The following UBLCP1 variants were observed in gnomAD, a reference collection of about 807,000 sequenced individuals.
UBLCP1 encodes the protein ubiquitin like domain containing CTD phosphatase 1.
A neutral mutation model predicts 42.4 loss-of-function variants in UBLCP1; 28 were observed. The observed-to-expected ratio is 0.66, with a 90% CI of 0.49 to 0.90. UBLCP1 has a LOEUF of 0.90. Ranked by LOEUF, UBLCP1 falls within the 40% of genes least tolerant of loss-of-function variation. The pLI is 0.00. For synonymous variants in UBLCP1, 122 were observed against 120.8 expected (o/e 1.01, Z -0.07); for missense variants, 279 against 374.5 (o/e 0.75, Z 2.10).
In UBLCP1 at chr5:159,270,002, A is replaced by T; in HGVS notation, c.246+3A>T. ...TGGGAACTCGTGAGGAGAGCTTGGT[A>T]AATGTTTACTTTTTGTTACCATTTG... is the stretch of plus-strand genomic sequence containing the variant. On this transcript the variant is annotated splice_donor_region_variant and intron_variant, in intron 3 of 10. Coordinates refer to ENST00000296786, the MANE Select transcript of UBLCP1 (RefSeq NM_145049.5). 1 of 1,606,446 alleles carries T rather than the reference A, an allele frequency of 6.2e-7. No homozygotes were observed. The highest frequency in any genetic ancestry group is 8.5e-7 in the Non-Finnish European group (1 of 1,176,328).
chr5:159,273,859 C>G (rs959306070), intron 6 of UBLCP1, among the ~76,000 whole-genome samples: 7 of 151,962 alleles, frequency 4.6e-5, no homozygotes, highest in African/African-American at 1.4e-4. Flanking sequence ...CACACACACA[C>G]ACACACACAC....
At chr5:159,276,317 A>G (rs1753535131) in intron 8 of UBLCP1, among the ~76,000 whole-genome samples, 1 of 152,114 alleles carries the variant, frequency 6.6e-6, no homozygotes, top group African/African-American at 2.4e-5. Context: ...AAAGCACCCA[A>G]ACTAATAGGA....
rs772009369 is a variant in UBLCP1 at position 159,283,372 on chromosome 5, A to ATTTATTTT, written c.929+33_929+34insTTTATTTT. 5.8e-5 allele frequency: 88 copies of ATTTATTTT among 1,508,410 alleles called. 1 individual carries two copies. In the African/African-American group the frequency reaches 8.4e-4, roughly 14 times the overall value. 93.4% of individuals were successfully genotyped at this position (1,508,410 alleles called of 1,614,324 possible). ...TTAATTGCTTATTTATTTTCTCTTT[A>ATTTATTTT]CATCAATGAAGAAAAAATTATCATT... On this transcript the variant is annotated intron_variant, in intron 10 of 10. Coordinates refer to ENST00000296786, the MANE Select transcript of UBLCP1 (RefSeq NM_145049.5).
At chr5:159,269,410 G>A (rs923924677) in intron 2 of UBLCP1, among the ~76,000 whole-genome samples, 1 of 152,110 alleles carries the variant, frequency 6.6e-6, no homozygotes, top group Non-Finnish European at 1.5e-5. Flanking sequence ...TGTAACGAGG[G>A]CCTCGTACTC....
At chr5:159,277,855 T>TC (rs1753557148) in intron 8 of UBLCP1, among the ~76,000 whole-genome samples, 2 of 152,136 alleles carry the variant, frequency 1.3e-5, no homozygotes, top group Admixed American at 6.5e-5. Flanking sequence ...GAAAGCAGAC[T>TC]CCATGTGACT....
At chr5:159,281,773 AC>A (rs1753609919) in intron 9 of UBLCP1, among the ~76,000 whole-genome samples, 1 of 152,070 alleles carries the variant, frequency 6.6e-6, no homozygotes, top group Non-Finnish European at 1.5e-5. Flanking sequence ...CTTTGGGCTC[AC>A]TCATTGTTCT....
At chr5:159,266,949 G>A (rs921476824) in intron 1 of UBLCP1, among the ~76,000 whole-genome samples, 1 of 152,340 alleles carries the variant, frequency 6.6e-6, no homozygotes, top group Non-Finnish European at 1.5e-5. Context: ...GTTTGCTGCA[G>A]GGGTGGGGCC....
At position 159,274,637 on chromosome 5, in the gene UBLCP1, G is replaced by A; in HGVS notation, c.585+15G>A. On this transcript the variant is annotated intron_variant, in intron 7 of 10. Coordinates refer to ENST00000296786, the MANE Select transcript of UBLCP1 (RefSeq NM_145049.5). ...CTAAAATGAAAGTAAGTGTTAGAAAGCAATCCATTTAAAAATATTTTCAAA... is the reference window on the plus strand; with the variant it reads ...CTAAAATGAAAGTAAGTGTTAGAAAACAATCCATTTAAAAATATTTTCAAA... 3.1e-6 allele frequency: 5 copies of A among 1,603,194 alleles called. No individual in the cohort carries two copies. The highest frequency in any genetic ancestry group is 4.3e-6 in the Non-Finnish European group (5 of 1,174,226).
Position 159,283,369 on chromosome 5 carries a change from T to TTGC in UBLCP1, c.929+31_929+32insGCT, listed in dbSNP as rs747889775. The TTGC allele has an allele frequency of 5.8e-5, 88 of 1,521,690 alleles. 1 individual carries two copies. The African/African-American group carries it at 8.3e-4, about 14-fold the overall frequency. 94.3% of individuals were successfully genotyped at this position (1,521,690 alleles called of 1,614,324 possible). A position where few individuals can be genotyped will look rare whatever the true frequency, so the allele number is the denominator to read the frequency against. On this transcript the variant is annotated intron_variant, in intron 10 of 10. Transcript: ENST00000296786. Reference sequence around the variant, plus strand: ...GTTTTAATTGCTTATTTATTTTCTCTTTACATCAATGAAGAAAAAATTATC... The same window carrying TTGC: ...GTTTTAATTGCTTATTTATTTTCTCTTGCTTACATCAATGAAGAAAAAATTATC...
At position 159,275,161 on chromosome 5, in the gene UBLCP1, G is replaced by A; in HGVS notation, c.599G>A (p.Ser200Asn). Residue 200 changes from serine (S) to asparagine (N), a missense_variant, in exon 8 of 11, where the codon AGC (serine) becomes AAC (asparagine). Ser to Asn is a conservative substitution (Grantham distance 46). Coordinates refer to ENST00000296786, the MANE Select transcript of UBLCP1 (RefSeq NM_145049.5). ...TTGTGTTTATAGGAGCTGGGAGTGA[G>A]CACAAATGCAAATTATAAGATTACT... ...IEAKMKELGVSTNANYKITFM... is the reference protein window; with the variant it reads ...IEAKMKELGVNTNANYKITFM... The A allele has an allele frequency of 6.2e-7, 1 of 1,613,008 alleles. No homozygotes were observed. The highest frequency in any genetic ancestry group is 2.2e-5 in the East Asian group (1 of 44,748).
chr5:159,270,689 C>A (rs767991199), intron 5 of UBLCP1, 46 bp downstream of exon 5: 2 of 1,205,402 alleles, frequency 1.7e-6, no homozygotes, highest in Non-Finnish European at 2.3e-6. Context: ...CCCACAACAA[C>A]TCTTTTTTTC....
At chr5:159,266,201 T>C (rs183397441) in intron 1 of UBLCP1, among the ~76,000 whole-genome samples, 1 of 152,342 alleles carries the variant, frequency 6.6e-6, no homozygotes, top group African/African-American at 2.4e-5. Flanking sequence ...CCCAAAATTC[T>C]GATAGCTATA....
chr5:159,269,121 A>C, intron 2 of UBLCP1, 52 bp downstream of exon 2: 1 of 1,302,212 alleles, frequency 7.7e-7, no homozygotes, highest in Non-Finnish European at 1.0e-6. Flanking sequence ...AGTATTATGA[A>C]TTTTAATAAT....
At chr5:159,273,708 G>T (rs10067585) in intron 6 of UBLCP1, among the ~76,000 whole-genome samples, 222 of 152,126 alleles carry the variant, frequency 1.5e-3, no homozygotes, top group African/African-American at 5.1e-3. Flanking sequence ...AGATACAATA[G>T]TCTTTAAAAT....
chr5:159,278,511 C>CT (rs1753565322), intron 9 of UBLCP1, among the ~76,000 whole-genome samples, 157 bp downstream of exon 9: 1 of 152,108 alleles, frequency 6.6e-6, no homozygotes, highest in Non-Finnish European at 1.5e-5. Flanking sequence ...AGAAATTGAA[C>CT]TTTGTCTTTT....
chr5:159,270,224 A>T, intron 3 of UBLCP1, 136 bp from the exon 4 acceptor site: 1 of 811,404 alleles, frequency 1.2e-6, no homozygotes, highest in Non-Finnish European at 1.9e-6. Flanking sequence ...ACGAATTATT[A>T]ATTGTGGAAA....
chr5:159,278,198 A>C (rs1753561824), intron 8 of UBLCP1, 40 bp from the exon 9 acceptor site: 1 of 1,375,786 alleles, frequency 7.3e-7, no homozygotes. Flanking sequence ...AGGATGAAAT[A>C]TTGATAAAAT....
At chr5:159,270,999 T>A (rs947006565) in intron 5 of UBLCP1, among the ~76,000 whole-genome samples, 6 of 151,954 alleles carry the variant, frequency 3.9e-5, no homozygotes, top group Admixed American at 2.6e-4. Flanking sequence ...TATATTTTTT[T>A]ATTTTTTTGG....
rs1584739752 is a variant in UBLCP1 at position 159,274,720 on chromosome 5, C to T, written c.585+98C>T. 7 of 1,058,482 alleles carry T rather than the reference C, an allele frequency of 6.6e-6. No homozygotes were observed. The East Asian group carries it at 1.0e-4, about 15-fold the overall frequency. 65.6% of individuals were successfully genotyped at this position (1,058,482 alleles called of 1,614,324 possible). On this transcript the variant is annotated intron_variant, in intron 7 of 10. Coordinates refer to ENST00000296786, the MANE Select transcript of UBLCP1 (RefSeq NM_145049.5). ...AATTAATTTTATTCTTACTGGAGGG[C>T]ACTTAGTAGATAGATAAATGCCATT...
Sources: gnomAD v4.1 joint callset for allele counts (sites outside exome capture counted in the v4.1 genomes callset) on GRCh38, gnomAD v4.1.1 for gene constraint, MANE v1.5 for transcripts, NCBI Gene and HGNC (gene_info 2026-07-23, HGNC 2026-07-21) for gene names.